Variants in PTPRT observed in about 807,000 individuals in gnomAD.
The protein encoded by PTPRT is protein tyrosine phosphatase receptor type T, also known as receptor-type tyrosine-protein phosphatase T.
In PTPRT, 56 loss-of-function variants were observed where a neutral mutation model predicts 176.8. The observed-to-expected ratio is 0.32, with a 90% CI of 0.26 to 0.40. The LOEUF is 0.40. PTPRT is among the 10% of genes least tolerant of loss of function. The probability of loss-of-function intolerance (pLI) is 1.00; values close to 1 mark genes in which losing one functional copy is unlikely to be tolerated. For synonymous variants in PTPRT, 783 were observed against 739.0 expected (o/e 1.06, Z -0.96); for missense variants, 1,540 against 1,908.2 (o/e 0.81, Z 3.60).
intron 1 of PTPRT, among the ~76,000 whole-genome samples, chr20:43,021,273 G>A (rs1985667663): frequency 6.6e-6 from 1 of 152,096 alleles, no homozygotes; most frequent in South Asian, 2.1e-4. Flanking sequence ...TACAGAGAGA[G>A]GCCCTACAGA....
chr20:42,758,136 G>A (rs770240001), intron 5 of PTPRT, among the ~76,000 whole-genome samples: 11 of 152,108 alleles, frequency 7.2e-5, no homozygotes, highest in East Asian at 1.9e-4. Flanking sequence ...ATTTGAAAAC[G>A]TTTTTCCCCA....
intron 28 of PTPRT, among the ~76,000 whole-genome samples, chr20:42,085,407 C>T (rs1467969911): frequency 6.6e-6 from 1 of 152,156 alleles, no homozygotes; most frequent in Non-Finnish European, 1.5e-5. Flanking sequence ...CTTATGGGAT[C>T]CAATCAAAGG....
chr20:42,694,675 C>T lies in PTPRT; in HGVS notation c.860-16516G>A, dbSNP rs73618860. Among the ~76,000 whole-genome samples the T allele has an allele frequency of 2.6e-4, 40 of 152,338 alleles. No individual in the cohort carries two copies. The East Asian group carries it at 3.9e-3, about 15-fold the overall frequency. ...TCAATGCATGAGTGGTCCAGTTCCT[C>T]ACCTGTACTACTATTGTCACTATTT... On this transcript the variant is annotated intron_variant, in intron 6 of 30. Transcript: ENST00000373187.
At chr20:42,105,087 C>T (rs978290621) in intron 24 of PTPRT, among the ~76,000 whole-genome samples, 21 of 152,130 alleles carry the variant, frequency 1.4e-4, no homozygotes, top group African/African-American at 4.8e-4. Context: ...AGAGGGGATA[C>T]TTGGGCTGTG....
intron 1 of PTPRT, among the ~76,000 whole-genome samples, chr20:42,936,237 C>T (rs1600573243): frequency 6.6e-6 from 1 of 152,144 alleles, no homozygotes; most frequent in Non-Finnish European, 1.5e-5. Flanking sequence ...TTGAAATCAA[C>T]ACCACATAGG....
chr20:42,538,420 C>A (rs995826642), intron 7 of PTPRT, among the ~76,000 whole-genome samples: 4 of 152,066 alleles, frequency 2.6e-5, no homozygotes, highest in Non-Finnish European at 4.4e-5. Flanking sequence ...ATCTCATGTC[C>A]CCTGTTGGAA....
In PTPRT at chr20:42,999,615, T is replaced by TG. The variant is rs35015314; in HGVS notation, c.89-113684_89-113683insC. ...TAAAAAAAAAACTTGTGGTTTTTTTTTTGTTGTTGTTGTTGTTGTGGTGGT... is the reference window on the plus strand; with the variant it reads ...TAAAAAAAAAACTTGTGGTTTTTTTTGTTGTTGTTGTTGTTGTTGTGGTGGT... On this transcript the variant is annotated intron_variant, in intron 1 of 30. Transcript: ENST00000373187. Among the ~76,000 whole-genome samples, 332 of 150,544 alleles carry TG rather than the reference T, an allele frequency of 2.2e-3. 3 individuals carry two copies. Among genetic ancestry groups the TG allele is most frequent in the East Asian group, 0.02 (101 of 5,112 alleles).
At chr20:42,823,054 C>T (rs950075440) in intron 2 of PTPRT, among the ~76,000 whole-genome samples, 3 of 152,008 alleles carry the variant, frequency 2.0e-5, no homozygotes, top group African/African-American at 7.2e-5. Flanking sequence ...CCCAGAGGAA[C>T]GCAAATCATT....
chr20:42,383,588 A>C (rs189866548), intron 9 of PTPRT, among the ~76,000 whole-genome samples: 40 of 152,332 alleles, frequency 2.6e-4, no homozygotes, highest in African/African-American at 9.1e-4. Context: ...GCAGTGTTTG[A>C]TAAGTGGTAA....
intron 7 of PTPRT, among the ~76,000 whole-genome samples, chr20:42,491,280 G>A (rs185502063): frequency 7.9e-5 from 12 of 152,276 alleles, no homozygotes; most frequent in South Asian, 2.1e-4. Context: ...CGACTAATAA[G>A]TGAGTAGCAT....
chr20:43,103,991 G>A (rs567668150), intron 1 of PTPRT, among the ~76,000 whole-genome samples: 117 of 152,238 alleles, frequency 7.7e-4, no homozygotes, highest in African/African-American at 2.5e-3. Flanking sequence ...CATCACACGC[G>A]CTTGCCACAG....
chr20:42,775,625 T>C (rs1569149492), intron 4 of PTPRT, among the ~76,000 whole-genome samples: 1 of 151,962 alleles, frequency 6.6e-6, no homozygotes, highest in African/African-American at 2.4e-5. Flanking sequence ...GAAAATAATT[T>C]CTTTGAGTAT....
At chr20:42,197,792 G>C (rs1411054816) in intron 16 of PTPRT, among the ~76,000 whole-genome samples, 1 of 152,046 alleles carries the variant, frequency 6.6e-6, no homozygotes, top group Non-Finnish European at 1.5e-5. Flanking sequence ...AAGTGCAAAT[G>C]TTGCAAAATG....
At chr20:42,640,402 A>G (rs1365646453) in intron 7 of PTPRT, among the ~76,000 whole-genome samples, 2 of 149,898 alleles carry the variant, frequency 1.3e-5, no homozygotes, top group African/African-American at 4.9e-5. Flanking sequence ...TTTAAAAAAA[A>G]AAAATTTTTT....
chr20:42,256,146 C>G (rs2056634738), intron 13 of PTPRT, among the ~76,000 whole-genome samples: 1 of 152,034 alleles, frequency 6.6e-6, no homozygotes, highest in African/African-American at 2.4e-5. Context: ...GGGGGTTTTG[C>G]CAAGAGGAGA....
At chr20:43,111,633 GT>G (rs3092032) in intron 1 of PTPRT, among the ~76,000 whole-genome samples, 17,340 of 151,618 alleles carry the variant, frequency 0.11, 1,520 homozygotes, top group African/African-American at 0.24. Context: ...TGGGTTCTAG[GT>G]TCTGTTTTAA....
chr20:42,927,727 C>T (rs1056647976), intron 1 of PTPRT, among the ~76,000 whole-genome samples: 7 of 152,136 alleles, frequency 4.6e-5, no homozygotes, highest in African/African-American at 1.4e-4. Context: ...TGCAAGTCCA[C>T]GTGGGACTTC....
At chr20:42,685,125 G>C (rs1210706869) in intron 6 of PTPRT, among the ~76,000 whole-genome samples, 3 of 152,156 alleles carry the variant, frequency 2.0e-5, no homozygotes, top group Non-Finnish European at 2.9e-5. Context: ...TAAAGACAAT[G>C]GTATACACAA....
Position 42,400,900 on chromosome 20 carries a change from G to A in PTPRT, c.1560+47320C>T, listed in dbSNP as rs181961249. Among the ~76,000 whole-genome samples the A allele has an allele frequency of 1.5e-3, 221 of 152,134 alleles. 1 individual carries two copies. Among genetic ancestry groups the A allele is most frequent in the African/African-American group, 5.2e-3 (215 of 41,518 alleles). On this transcript the variant is annotated intron_variant, in intron 9 of 30. Coordinates refer to ENST00000373187, the MANE Select transcript of PTPRT (RefSeq NM_007050.6). ...GAGTAATTCTACAGTAGGGATAAGG[G>A]ATCGGGTTTTTAACAGATGAAGCTA...
Sources: allele counts gnomAD v4.1 joint callset (sites outside exome capture counted in the v4.1 genomes callset), GRCh38; gene constraint gnomAD v4.1.1; transcripts MANE v1.5; gene names NCBI Gene and HGNC (gene_info 2026-07-23, HGNC 2026-07-21).